The following PCDHGB7 variants were observed in gnomAD, a reference collection of about 807,000 sequenced individuals.
The protein encoded by PCDHGB7 is protocadherin gamma subfamily B, 7.
Under a neutral mutation model 61.4 loss-of-function variants are expected in PCDHGB7, and 37 were observed. That is an observed-to-expected ratio of 0.60 (90% confidence interval 0.46 to 0.79). The LOEUF is 0.79. Among genes scored for constraint, PCDHGB7 ranks in the 30% least tolerant of loss-of-function variants. The pLI, the probability that PCDHGB7 is intolerant of heterozygous loss-of-function variation, is 0.00. For synonymous variants in PCDHGB7, 464 were observed against 503.5 expected, an observed-to-expected ratio of 0.92 and a Z score of 1.05; for missense variants, 1,166 against 1,202.5, an observed-to-expected ratio of 0.97 and a Z score of 0.45.
intron 3 of PCDHGB7, among the ~76,000 whole-genome samples, chr5:141,509,262 ACT>A (rs761383166): frequency 9.2e-5 from 14 of 151,714 alleles, no homozygotes; most frequent in Non-Finnish European, 1.9e-4. Flanking sequence ...GGCTTTAGTC[ACT>A]CTCGCTACCC....
In PCDHGB7 at chr5:141,486,092, C is replaced by A; in HGVS notation, c.2416-8715C>A. Reference sequence around the variant, plus strand: ...TACTGGAAAGCTTACTCTTTTGGGGCCCCTAGACTTTGAGAGTGAGAATTA... The same window carrying A: ...TACTGGAAAGCTTACTCTTTTGGGGACCCTAGACTTTGAGAGTGAGAATTA... On this transcript the variant is annotated intron_variant, in intron 1 of 3. Coordinates refer to ENST00000398594, the MANE Select transcript of PCDHGB7 (RefSeq NM_018927.4). The surrounding 1 kb of genome is among the most constrained non-coding windows in gnomAD (Gnocchi z 5.0). 1.9e-6 allele frequency: 3 copies of A among 1,614,148 alleles called. No individual in the cohort carries two copies. Among genetic ancestry groups the A allele is most frequent in the Non-Finnish European group, 2.5e-6 (3 of 1,180,008 alleles).
At chr5:141,453,475 A>C (rs2098766452) in intron 1 of PCDHGB7, among the ~76,000 whole-genome samples, 1 of 151,996 alleles carries the variant, frequency 6.6e-6, no homozygotes, top group Non-Finnish European at 1.5e-5. Context: ...ATAAAGTCAA[A>C]ACTATTAAAA....
chr5:141,421,239 G>T (rs773410079), intron 1 of PCDHGB7: 5 of 1,599,000 alleles, frequency 3.1e-6, no homozygotes, highest in Middle Eastern at 3.3e-4. Flanking sequence ...TGGCGAATCG[G>T]CTACAGCGCG....
intron 1 of PCDHGB7, chr5:141,427,267 A>C (rs1361287845): frequency 6.6e-6 from 3 of 456,648 alleles, no homozygotes; most frequent in Non-Finnish European, 1.3e-5. Flanking sequence ...ATGACCAGCG[A>C]ATGTAAAATT....
chr5:141,432,215 C>T lies in PCDHGB7; in HGVS notation c.2415+11941C>T. The T allele has an allele frequency of 1.9e-6, 3 of 1,614,228 alleles. No individual in the cohort carries two copies. The highest frequency in any genetic ancestry group is 2.5e-6 in the Non-Finnish European group (3 of 1,180,036). The stretch of plus-strand genomic sequence containing the variant: ...CGACCCCGACTGTGAAGAGAACGCC[C>T]AGATCACTTATTCCCTGGCTGAGAA... On this transcript the variant is annotated intron_variant, in intron 1 of 3. Transcript: ENST00000398594. This position sits in a 1 kb window ranked among gnomAD's most constrained non-coding sequence, Gnocchi z 6.0.
chr5:141,419,878 G>A lies in PCDHGB7; in HGVS notation c.2019G>A (p.Pro673=). Reference sequence around the variant, plus strand: ...CAGATAGCTTGCAAGAGGTACTGCCGGATTTCAGCGACCATCCCACACCCT... The same window carrying A: ...CAGATAGCTTGCAAGAGGTACTGCCAGATTTCAGCGACCATCCCACACCCT... The part of the protein sequence containing the change: ...VFADSLQEVL[P]DFSDHPTPSD... The change falls in exon 1 of 4, where the codon CCG becomes CCA. Residue 673 remains proline (P), a synonymous_variant. Transcript: ENST00000398594. 2 of 1,614,060 alleles carry A rather than the reference G, an allele frequency of 1.2e-6. No homozygotes were observed. Among genetic ancestry groups the A allele is most frequent in the Non-Finnish European group, 1.7e-6 (2 of 1,179,884 alleles).
chr5:141,490,941 A>G lies in PCDHGB7; in HGVS notation c.2416-3866A>G. The G allele has an allele frequency of 6.2e-7, 1 of 1,613,628 alleles. No homozygotes were observed. The highest frequency in any genetic ancestry group is 8.5e-7 in the Non-Finnish European group (1 of 1,179,772). On this transcript the variant is annotated intron_variant, in intron 1 of 3. Coordinates refer to ENST00000398594, the MANE Select transcript of PCDHGB7 (RefSeq NM_018927.4). The surrounding 1 kb of genome is among the most constrained non-coding windows in gnomAD (Gnocchi z 5.4). ...ATAATGCCCCAGCTGTGCTGCACCC[A>G]CGGCCAGACTGGGAACACTCAGCCC... is the stretch of plus-strand genomic sequence containing the variant.
intron 2 of PCDHGB7, among the ~76,000 whole-genome samples, chr5:141,504,059 T>C (rs1179226175): frequency 6.6e-6 from 1 of 152,184 alleles, no homozygotes; most frequent in Admixed American, 6.6e-5. Flanking sequence ...ATTGAAAAAC[T>C]TCTCTGAGCC....
rs754652710 is a variant in PCDHGB7 at position 141,476,367 on chromosome 5, G to A, written c.2416-18440G>A. Reference sequence around the variant, plus strand: ...TTCTTTGAGGTGAACCGGGAGACCGGAGAGATGTTTGTGAACGACCGTCTG... The same window carrying A: ...TTCTTTGAGGTGAACCGGGAGACCGAAGAGATGTTTGTGAACGACCGTCTG... On this transcript the variant is annotated intron_variant, in intron 1 of 3. Coordinates refer to ENST00000398594, the MANE Select transcript of PCDHGB7 (RefSeq NM_018927.4). The surrounding 1 kb of genome is among the most constrained non-coding windows in gnomAD (Gnocchi z 7.6). The A allele has an allele frequency of 2.5e-6, 4 of 1,614,172 alleles. No homozygotes were observed. In the South Asian group the frequency reaches 3.3e-5, roughly 13 times the overall value.
chr5:141,436,118 T>C (rs188307595), intron 1 of PCDHGB7, among the ~76,000 whole-genome samples: 5 of 152,310 alleles, frequency 3.3e-5, no homozygotes, highest in Admixed American at 2.0e-4. Flanking sequence ...ATGAAACCTC[T>C]CTCCTCCATC....
intron 1 of PCDHGB7, among the ~76,000 whole-genome samples, chr5:141,465,888 C>T (rs1031908926): frequency 5.3e-5 from 8 of 151,942 alleles, no homozygotes; most frequent in South Asian, 2.1e-4. Context: ...TTTGGGAGGC[C>T]GAGGCGGGCA....
intron 1 of PCDHGB7, among the ~76,000 whole-genome samples, chr5:141,465,422 G>A (rs74711061): frequency 0.01 from 1,576 of 152,260 alleles, 21 homozygotes; most frequent in African/African-American, 0.037. Context: ...AGCACTGAAA[G>A]GTGGGCACTT....
Position 141,511,089 on chromosome 5 carries a change from C to T in PCDHGB7, c.2706C>T (p.Thr902=). The change falls in exon 4 of 4, where the codon ACC becomes ACT. Residue 902 remains threonine (T), a synonymous_variant. Transcript: ENST00000398594. ...TCCCAGGCAGCAATGCCACACTGAC[C>T]AACGCAGCTGGCAAGCGGGATGGCA... is the stretch of plus-strand genomic sequence containing the variant. ...VYIPGSNATL[T]NAAGKRDGKA... 1 of 1,614,212 alleles carries T rather than the reference C, an allele frequency of 6.2e-7. No individual in the cohort carries two copies. Among genetic ancestry groups the T allele is most frequent in the Non-Finnish European group, 8.5e-7 (1 of 1,180,026 alleles).
Position 141,477,337 on chromosome 5 carries a change from C to T in PCDHGB7, c.2416-17470C>T. ...TTACTTCTTCCCTCAAGAATTACTT[C>T]ACTTTGAAAACCAGTGCAGACCTGG... On this transcript the variant is annotated intron_variant, in intron 1 of 3. Transcript: ENST00000398594. The surrounding 1 kb of genome is among the most constrained non-coding windows in gnomAD (Gnocchi z 4.9). The T allele has an allele frequency of 1.2e-6, 2 of 1,614,166 alleles. No individual in the cohort carries two copies. Among genetic ancestry groups the T allele is most frequent in the Non-Finnish European group, 1.7e-6 (2 of 1,180,028 alleles).
rs189767695 is a variant in PCDHGB7, at chr5:141,497,247, T to C, written c.2474+2382T>C. Among the ~76,000 whole-genome samples the C allele has an allele frequency of 2.0e-5, 3 of 151,456 alleles. No individual in the cohort carries two copies. The East Asian group carries it at 5.8e-4, about 29-fold the overall frequency. ...ATCAGAGAAGGCTTCTAGGAGGAGGTGACATTGAGAAGTTCTAGGCCATTT... is the reference window on the plus strand; with the variant it reads ...ATCAGAGAAGGCTTCTAGGAGGAGGCGACATTGAGAAGTTCTAGGCCATTT... On this transcript the variant is annotated intron_variant, in intron 2 of 3. Transcript: ENST00000398594.
rs185228661 is a variant in PCDHGB7, at chr5:141,419,175, C to T, written c.1316C>T (p.Thr439Ile). ...KPPLSSSKTI[T>I]LHITDVNDNA... The stretch of plus-strand genomic sequence containing the variant: ...CCGTTATCCTCCAGCAAAACCATAA[C>T]CCTGCACATTACTGACGTCAATGAC... The change falls in exon 1 of 4, where the codon ACC (threonine) becomes ATC (isoleucine). Residue 439 changes from threonine (T) to isoleucine (I), a missense_variant. Transcript: ENST00000398594. 1.2e-6 allele frequency: 2 copies of T among 1,613,966 alleles called. No individual in the cohort carries two copies. The highest frequency in any genetic ancestry group is 1.7e-6 in the Non-Finnish European group (2 of 1,179,894).
chr5:141,466,486 T>C (rs1005010773), intron 1 of PCDHGB7, among the ~76,000 whole-genome samples: 1 of 152,240 alleles, frequency 6.6e-6, no homozygotes, highest in Non-Finnish European at 1.5e-5. Flanking sequence ...GTAGGTCTTC[T>C]TTAATTAGAG....
chr5:141,508,045 T>A (rs985875804), intron 3 of PCDHGB7: 1 of 152,264 alleles, frequency 6.6e-6, no homozygotes, highest in Non-Finnish European at 1.5e-5. Flanking sequence ...GCCAGCTGTG[T>A]TCCAGCTAAT....
At chr5:141,500,887 T>C (rs557735403) in intron 2 of PCDHGB7, among the ~76,000 whole-genome samples, 1 of 95,622 alleles carries the variant, frequency 1.0e-5, no homozygotes, top group South Asian at 2.8e-4. Context: ...ATTTTTTTTT[T>C]TTGAGACAGT....
Sources: gnomAD v4.1 joint callset for allele counts (sites outside exome capture counted in the v4.1 genomes callset) on GRCh38, gnomAD v4.1.1 for gene constraint, Gnocchi (gnomAD v3.1) non-coding constraint, MANE v1.5 for transcripts, NCBI Gene and HGNC (gene_info 2026-07-23, HGNC 2026-07-21) for gene names.